GADL1: variants seen among roughly 807,000 people sequenced by gnomAD.
GADL1 encodes the protein GAD like acidic amino acid decarboxylase 1.
GADL1 carries 71 observed loss-of-function variants against 69.5 expected under a neutral mutation model. That is an observed-to-expected ratio of 1.02 (90% CI 0.84 to 1.25). The LOEUF (loss-of-function observed/expected upper bound fraction) is 1.25, where lower values mean the gene tolerates loss of function less well. Among genes scored for constraint, GADL1 ranks in the 50% most tolerant of loss-of-function variants. GADL1 has a pLI of 0.00. For synonymous variants in GADL1, 254 were observed against 214.4 expected (o/e 1.18, Z -1.62); for missense variants, 737 against 631.8 (o/e 1.17, Z -1.79).
chr3:30,857,124 A>G lies in GADL1; in HGVS notation c.228T>C (p.Pro76=), dbSNP rs977937237. 1.1e-5 allele frequency: 17 copies of G among 1,550,102 alleles called. No individual in the cohort carries two copies. The African/African-American group carries it at 1.8e-4, about 16-fold the overall frequency. The change falls in exon 3 of 15, where the codon CCT becomes CCC. Residue 76 remains proline (P), a synonymous_variant. Coordinates refer to ENST00000282538, the MANE Select transcript of GADL1 (RefSeq NM_207359.3). ...DVNEKVCEWR[P]PEQLKQLLDL... is the part of the protein sequence containing the mutation. ...CAAGAAGCTGTTTCAGTTGTTCAGG[A>G]GGCCTCCATTCACACACCTGGAGAT... is the stretch of plus-strand genomic sequence containing the variant.
intron 11 of GADL1, among the ~76,000 whole-genome samples, chr3:30,825,441 A>G (rs901355027): frequency 5.9e-5 from 9 of 151,956 alleles, no homozygotes; most frequent in African/African-American, 2.2e-4. Context: ...ATGGAACAAC[A>G]CATTCAGCAA....
chr3:30,744,982 T>C (rs1695680134), intron 14 of GADL1, among the ~76,000 whole-genome samples: 1 of 152,186 alleles, frequency 6.6e-6, no homozygotes, highest in South Asian at 2.1e-4. Context: ...TCTACAACTA[T>C]GTTTATATGG....
intron 13 of GADL1, among the ~76,000 whole-genome samples, chr3:30,781,830 T>C (rs1035403492): frequency 2.6e-5 from 4 of 152,206 alleles, no homozygotes; most frequent in Admixed American, 6.5e-5. Flanking sequence ...TAGTGACTAT[T>C]ATTTGGGGCC....
At chr3:30,772,673 G>C (rs947820561) in intron 14 of GADL1, among the ~76,000 whole-genome samples, 1 of 152,116 alleles carries the variant, frequency 6.6e-6, no homozygotes, top group African/African-American at 2.4e-5. Context: ...TCAGGAGTTT[G>C]AGACCAGCCT....
intron 1 of GADL1, among the ~76,000 whole-genome samples, chr3:30,874,423 T>C (rs1277680300): frequency 1.3e-5 from 2 of 151,934 alleles, no homozygotes; most frequent in African/African-American, 2.4e-5. Context: ...CAGCTGAAAC[T>C]CACTGAGAGA....
intron 12 of GADL1, among the ~76,000 whole-genome samples, chr3:30,787,259 TAA>T (rs888186182): frequency 6.6e-6 from 1 of 152,180 alleles, no homozygotes; most frequent in African/African-American, 2.4e-5. Flanking sequence ...ATAATATCTA[TAA>T]AGTCATTTTG....
intron 1 of GADL1, among the ~76,000 whole-genome samples, chr3:30,865,751 C>T (rs1005936667): frequency 1.6e-4 from 24 of 152,010 alleles, no homozygotes; most frequent in Admixed American, 6.6e-5. Flanking sequence ...CCTTTCCTCT[C>T]GATTCTTGTT....
In GADL1 at chr3:30,762,916, T is replaced by C. The variant is rs111942776; in HGVS notation, c.1392+15263A>G. ...CATCCATGTTTCAAATGACTGGATC[T>C]CATTCTTTTATGGTTGACTAGTATT... is the stretch of plus-strand genomic sequence containing the variant. On this transcript the variant is annotated intron_variant, in intron 14 of 14. Coordinates refer to ENST00000282538, the MANE Select transcript of GADL1 (RefSeq NM_207359.3). 4.2e-3 allele frequency among the ~76,000 whole-genome samples: 641 copies of C among 152,342 alleles called. 6 individuals carry two copies. The highest frequency in any genetic ancestry group is 0.031 in the South Asian group (148 of 4,828).
chr3:30,763,636 G>C (rs12634059), intron 14 of GADL1, among the ~76,000 whole-genome samples: 66,919 of 151,932 alleles, frequency 0.44, 14,746 homozygotes, highest in African/African-American at 0.46. Flanking sequence ...TATAGTCTAA[G>C]AGGAAGCCTA....
At chr3:30,829,900 T>C (rs769168338) in intron 11 of GADL1, among the ~76,000 whole-genome samples, 1 of 151,864 alleles carries the variant, frequency 6.6e-6, no homozygotes, top group Non-Finnish European at 1.5e-5. Flanking sequence ...ATAGTAACTA[T>C]ATAAGCACTT....
intron 11 of GADL1, among the ~76,000 whole-genome samples, chr3:30,824,554 AGAAT>A (rs910188760): frequency 1.3e-5 from 2 of 151,712 alleles, no homozygotes; most frequent in Middle Eastern, 3.2e-3. Context: ...CGTCAACAAT[AGAAT>A]GAATAAGGAA....
intron 11 of GADL1, among the ~76,000 whole-genome samples, chr3:30,828,466 C>T (rs1697721585): frequency 1.8e-5 from 2 of 113,440 alleles, no homozygotes; most frequent in South Asian, 5.5e-4. Context: ...TACTCCTTCT[C>T]CAAAAATAAA....
chr3:30,880,122 A>G (rs1320041610), intron 1 of GADL1, among the ~76,000 whole-genome samples: 1 of 151,952 alleles, frequency 6.6e-6, no homozygotes, highest in Non-Finnish European at 1.5e-5. Flanking sequence ...TTATACATCT[A>G]TGGATTCAAT....
chr3:30,890,526 CAAAATCCTTTCTGA>C (rs1246210154), intron 1 of GADL1, among the ~76,000 whole-genome samples: 3 of 152,118 alleles, frequency 2.0e-5, no homozygotes, highest in Non-Finnish European at 2.9e-5. Flanking sequence ...TGCCAGTGAC[CAAAATCCTTTCTGA>C]AAATCGCCTC....
chr3:30,836,823 G>A (rs994920209), intron 9 of GADL1, among the ~76,000 whole-genome samples: 7 of 152,204 alleles, frequency 4.6e-5, no homozygotes, highest in Admixed American at 1.3e-4. Flanking sequence ...CCAGCCCGAC[G>A]TTTTGTTCTC....
At chr3:30,775,356 A>G (rs1395283713) in intron 14 of GADL1, among the ~76,000 whole-genome samples, 1 of 152,208 alleles carries the variant, frequency 6.6e-6, no homozygotes, top group Non-Finnish European at 1.5e-5. Context: ...TCCAAGATAA[A>G]CCCTGAAATA....
chr3:30,816,848 C>T (rs1697485703), intron 11 of GADL1, among the ~76,000 whole-genome samples: 1 of 152,054 alleles, frequency 6.6e-6, no homozygotes, highest in Admixed American at 6.6e-5. Flanking sequence ...ACCTGGCCCA[C>T]ATACTAATTT....
intron 1 of GADL1, among the ~76,000 whole-genome samples, chr3:30,891,305 G>A (rs1291771372): frequency 2.0e-5 from 3 of 152,152 alleles, no homozygotes; most frequent in Admixed American, 2.0e-4. Context: ...GGGGCAGTGA[G>A]CTGCCTCCTC....
intron 14 of GADL1, among the ~76,000 whole-genome samples, chr3:30,742,827 AT>A (rs540143058): frequency 9.3e-4 from 140 of 149,864 alleles, no homozygotes; most frequent in Middle Eastern, 3.4e-3. Flanking sequence ...ATTTCAAGTA[AT>A]TTTTTTTTTG....
Sources: allele counts gnomAD v4.1 joint callset (sites outside exome capture counted in the v4.1 genomes callset), GRCh38; gene constraint gnomAD v4.1.1; transcripts MANE v1.5; gene names NCBI Gene and HGNC (gene_info 2026-07-23, HGNC 2026-07-21).